The following PACS1 variants were observed in gnomAD, a reference collection of about 807,000 sequenced individuals.
PACS1 encodes the protein PACS-1.
PACS1 carries 24 observed loss-of-function variants against 115.0 expected under a neutral mutation model. The ratio of observed to expected loss-of-function variants is 0.21; its 90% confidence interval spans 0.15 to 0.29. The LOEUF is 0.29. Among genes scored for constraint, PACS1 ranks in the 10% least tolerant of loss-of-function variants. The probability of loss-of-function intolerance (pLI) is 1.00; values close to 1 mark genes in which losing one functional copy is unlikely to be tolerated. For missense variants in PACS1, 838 were observed against 1,251.2 expected (o/e 0.67, Z 4.98); for synonymous variants, 453 against 504.5 (o/e 0.90, Z 1.37).
At chr11:66,125,380 G>A (rs968007422) in intron 1 of PACS1, among the ~76,000 whole-genome samples, 2 of 152,176 alleles carry the variant, frequency 1.3e-5, no homozygotes, top group African/African-American at 4.8e-5. Context: ...TTGCTACAAT[G>A]AAGTTCTAGT....
intron 1 of PACS1, among the ~76,000 whole-genome samples, chr11:66,078,777 C>G (rs1335189583): frequency 2.6e-5 from 4 of 152,230 alleles, no homozygotes; most frequent in Admixed American, 1.3e-4. Context: ...TGATCTCAAA[C>G]TCCTGGGCTC....
intron 1 of PACS1, among the ~76,000 whole-genome samples, chr11:66,161,405 A>G (rs544597471): frequency 5.9e-5 from 9 of 151,508 alleles, no homozygotes; most frequent in Non-Finnish European, 1.0e-4. Context: ...GTGAGCCGAG[A>G]TCACACTGCT....
intron 1 of PACS1, among the ~76,000 whole-genome samples, chr11:66,151,617 G>T (rs1859241947): frequency 1.3e-5 from 2 of 152,170 alleles, no homozygotes; most frequent in Admixed American, 1.3e-4. Context: ...TATAAAAAGA[G>T]AAAGTTCTCA....
intron 1 of PACS1, among the ~76,000 whole-genome samples, chr11:66,159,406 C>T (rs1199069400): frequency 6.6e-6 from 1 of 151,782 alleles, no homozygotes; most frequent in African/African-American, 2.4e-5. Flanking sequence ...CATTGCCCTC[C>T]AGCCTGGGCA....
chr11:66,113,887 T>C (rs1024166575), intron 1 of PACS1, among the ~76,000 whole-genome samples: 1 of 152,210 alleles, frequency 6.6e-6, no homozygotes, highest in Admixed American at 6.5e-5. Context: ...GCAAGTGATA[T>C]ATGACCACAG....
intron 1 of PACS1, among the ~76,000 whole-genome samples, chr11:66,081,430 C>CA (rs1026355991): frequency 6.6e-6 from 1 of 151,694 alleles, no homozygotes; most frequent in African/African-American, 2.4e-5. Context: ...CCCCCCCAAC[C>CA]AAAACAAAAC....
At chr11:66,208,068 T>C (rs1854983820) in intron 2 of PACS1, among the ~76,000 whole-genome samples, 1 of 152,124 alleles carries the variant, frequency 6.6e-6, no homozygotes, top group Non-Finnish European at 1.5e-5. Flanking sequence ...CCCAGGCTTC[T>C]GCTGATTTTA....
intron 1 of PACS1, among the ~76,000 whole-genome samples, chr11:66,130,404 G>A (rs567844392): frequency 2.0e-5 from 3 of 152,112 alleles, no homozygotes; most frequent in African/African-American, 4.8e-5. Context: ...TTAAAAATGT[G>A]TTATTTTTAC....
At chr11:66,113,832 C>T (rs541573346) in intron 1 of PACS1, among the ~76,000 whole-genome samples, 2 of 152,212 alleles carry the variant, frequency 1.3e-5, no homozygotes, top group South Asian at 4.2e-4. Context: ...CCCTTTAGTT[C>T]ACAGAATCAC....
At chr11:66,092,712 A>T (rs1857689192) in intron 1 of PACS1, among the ~76,000 whole-genome samples, 2 of 152,128 alleles carry the variant, frequency 1.3e-5, no homozygotes, top group African/African-American at 4.8e-5. Flanking sequence ...AGGTGTAAGG[A>T]AGGGATCCAG....
At chr11:66,092,613 A>G (rs910293127) in intron 1 of PACS1, among the ~76,000 whole-genome samples, 10 of 152,102 alleles carry the variant, frequency 6.6e-5, no homozygotes, top group Admixed American at 5.2e-4. Context: ...TATGTCCTGA[A>G]TGGTAATGCC....
chr11:66,237,670 G>A (rs1482469253), intron 19 of PACS1, among the ~76,000 whole-genome samples: 1 of 152,176 alleles, frequency 6.6e-6, no homozygotes, highest in Non-Finnish European at 1.5e-5. Flanking sequence ...ACACATCTTC[G>A]TGGAGCTGTG....
At position 66,242,941 on chromosome 11, in the gene PACS1, C is replaced by T; in HGVS notation, c.2686C>T (p.Arg896Ter). ...CACCATCTTCCTGAGCAAGAAACCC[C>T]GAGAAAAGGAGGTGGATTCTAAGAG... Reference protein sequence around the residue: ...VPTIFLSKKPREKEVDSKSQV... With the variant: ...VPTIFLSKKP Residue 896 changes from arginine to a stop codon, truncating the protein, a stop_gained, in exon 23 of 24, where the codon CGA becomes TGA. Transcript: ENST00000320580. LOFTEE classifies it high-confidence loss of function. 1.2e-6 allele frequency: 2 copies of T among 1,613,926 alleles called. No homozygotes were observed. Among genetic ancestry groups the T allele is most frequent in the Non-Finnish European group, 1.7e-6 (2 of 1,179,940 alleles).
At chr11:66,176,614 A>G (rs1859869257) in intron 1 of PACS1, among the ~76,000 whole-genome samples, 1 of 152,038 alleles carries the variant, frequency 6.6e-6, no homozygotes, top group South Asian at 2.1e-4. Context: ...GGGTTTCATC[A>G]CGTTGGTCAG....
At chr11:66,127,114 C>G (rs1015498220) in intron 1 of PACS1, among the ~76,000 whole-genome samples, 5 of 152,204 alleles carry the variant, frequency 3.3e-5, no homozygotes, top group Non-Finnish European at 5.9e-5. Context: ...AGCTGTCAAG[C>G]AGGGACTTGT....
intron 1 of PACS1, among the ~76,000 whole-genome samples, chr11:66,108,360 C>G (rs1334755626): frequency 6.6e-6 from 1 of 152,132 alleles, no homozygotes; most frequent in Non-Finnish European, 1.5e-5. Context: ...CTTCTGACCT[C>G]ATTTAACCAT....
At position 66,233,088 on chromosome 11, in the gene PACS1, C is replaced by T. The variant is rs1855632717; in HGVS notation, c.1838+22C>T. On this transcript the variant is annotated intron_variant, in intron 15 of 23. Transcript: ENST00000320580. The surrounding 1 kb of genome is among the most constrained non-coding windows in gnomAD (Gnocchi z 4.5). ...GCTAGTAAGGGCTCTGGCCTCCCTT[C>T]TCCTGCCCTTAGAGATTCCCTCTGA... 6.5e-7 allele frequency: 1 copy of T among 1,541,840 alleles called. No homozygotes were observed. The highest frequency in any genetic ancestry group is 8.9e-7 in the Non-Finnish European group (1 of 1,122,450).
rs1266087346 is a variant in PACS1, at chr11:66,237,568, A to C, written c.2251-1236A>C. Among the ~76,000 whole-genome samples, 4 of 152,320 alleles carry C rather than the reference A, an allele frequency of 2.6e-5. No individual in the cohort carries two copies. The East Asian group carries it at 7.7e-4, about 29-fold the overall frequency. ...TGCCTTGCAGAGCCTCCTGTCCTGC[A>C]GTCTAGCCAGTCCCCGGTTAGCCCC... is the stretch of plus-strand genomic sequence containing the variant. On this transcript the variant is annotated intron_variant, in intron 19 of 23. Transcript: ENST00000320580.
intron 1 of PACS1, among the ~76,000 whole-genome samples, chr11:66,150,248 G>A (rs369354370): frequency 6.6e-6 from 1 of 152,032 alleles, no homozygotes; most frequent in African/African-American, 2.4e-5. Context: ...ACTGACATAC[G>A]TTCTTTCTCT....
Sources: allele counts gnomAD v4.1 joint callset (sites outside exome capture counted in the v4.1 genomes callset), GRCh38; gene constraint gnomAD v4.1.1; non-coding constraint Gnocchi (gnomAD v3.1); transcripts MANE v1.5; gene names NCBI Gene and HGNC (gene_info 2026-07-23, HGNC 2026-07-21).